FHL2: variants seen among roughly 807,000 people sequenced by gnomAD.
FHL2 encodes four and a half LIM domains protein 2.
FHL2 carries 20 observed loss-of-function variants against 32.7 expected under a neutral mutation model. The observed-to-expected ratio is 0.61, with a 90% confidence interval of 0.43 to 0.89. The LOEUF (loss-of-function observed/expected upper bound fraction) is 0.89. Ranked by LOEUF, FHL2 falls within the 40% of genes least tolerant of loss-of-function variation. FHL2 has a pLI of 0.00. For missense variants in FHL2, 311 were observed against 358.6 expected, an observed-to-expected ratio of 0.87 and a Z score of 1.07; for synonymous variants, 123 against 128.1, an observed-to-expected ratio of 0.96 and a Z score of 0.27.
intron 1 of FHL2, among the ~76,000 whole-genome samples, chr2:105,406,745 A>T (rs754626212): frequency 6.6e-6 from 1 of 151,982 alleles, no homozygotes; most frequent in Non-Finnish European, 1.5e-5. Context: ...AATCCTGCGC[A>T]GGAGAGAGTC....
upstream of FHL2, chr2:105,399,769 C>G: frequency 1.3e-6 from 1 of 745,492 alleles, no homozygotes; most frequent in Non-Finnish European, 2.1e-6. Flanking sequence ...GCAGGGAGAG[C>G]ACAGGTTGAG....
At chr2:105,399,160 G>T, upstream of FHL2, 4 of 1,361,512 alleles carry the variant, frequency 2.9e-6, no homozygotes, top group Non-Finnish European at 3.7e-6. Flanking sequence ...CGGGGGGCGG[G>T]CGCCCCCAGG....
intron 5 of FHL2, among the ~76,000 whole-genome samples, 194 bp from the exon 6 acceptor site, chr2:105,363,665 C>T (rs1182876882): frequency 2.0e-5 from 3 of 152,214 alleles, no homozygotes; most frequent in Admixed American, 2.0e-4. Flanking sequence ...GTCATAGGCC[C>T]TGGCTTTCCC....
chr2:105,394,114 C>T (rs1682941367), intron 2 of FHL2, among the ~76,000 whole-genome samples: 1 of 152,270 alleles, frequency 6.6e-6, no homozygotes, highest in South Asian at 2.1e-4. Context: ...CAGAGAATAC[C>T]CCGCACCATT....
At chr2:105,424,839 C>T (rs146646894) in intron 1 of FHL2, among the ~76,000 whole-genome samples, 4,914 of 152,104 alleles carry the variant, frequency 0.032, 152 homozygotes, top group East Asian at 0.091. Context: ...CATGGACACA[C>T]GGAGGGGAAC....
chr2:105,402,546 A>G (rs1420847115), upstream of FHL2, among the ~76,000 whole-genome samples: 1 of 152,148 alleles, frequency 6.6e-6, no homozygotes, highest in Non-Finnish European at 1.5e-5. Flanking sequence ...TGCCTGGCCC[A>G]AAAACTAAAT....
chr2:105,361,621 C>T (rs193284590), intron 6 of FHL2, among the ~76,000 whole-genome samples, 187 bp from the exon 7 acceptor site: 3 of 152,128 alleles, frequency 2.0e-5, no homozygotes, highest in Admixed American at 6.5e-5. Flanking sequence ...TGGAGGATCT[C>T]GTGAATATCA....
intron 2 of FHL2, among the ~76,000 whole-genome samples, chr2:105,395,197 T>C (rs1421905342): frequency 1.3e-5 from 2 of 150,910 alleles, no homozygotes; most frequent in East Asian, 3.8e-4. Context: ...TCATTTAATC[T>C]CAAAACACAT....
rs1461975227 is a variant in FHL2 at position 105,361,414 on chromosome 2, T to C, written c.709A>G (p.Ile237Val). 1 of 1,614,092 alleles carries C rather than the reference T, an allele frequency of 6.2e-7. No homozygotes were observed. Among genetic ancestry groups the C allele is most frequent in the Non-Finnish European group, 8.5e-7 (1 of 1,179,972 alleles). ...TGCCACTGCCGTTCCTCAAAGGAGA[T>C]GTATTTTGTGCCACCAAGTCCTGTT... ...PISGLGGTKY[I>V]SFEERQWHND... Residue 237 changes from isoleucine (I) to valine (V), a missense_variant, in exon 7 of 7, where the codon ATC becomes GTC. Transcript: ENST00000530340.
intron 1 of FHL2, among the ~76,000 whole-genome samples, chr2:105,410,009 G>T (rs1031761346): frequency 6.6e-6 from 1 of 152,318 alleles, no homozygotes; most frequent in South Asian, 2.1e-4. Flanking sequence ...GCTGAGCTGG[G>T]GATGCTGAGA....
intron 6 of FHL2, among the ~76,000 whole-genome samples, chr2:105,362,525 C>T (rs1299468805): frequency 1.3e-5 from 2 of 152,200 alleles, no homozygotes; most frequent in African/African-American, 2.4e-5. Flanking sequence ...CAAGTGTCTG[C>T]CACCTTCCTC....
chr2:105,399,613 G>A (rs1052435742), upstream of FHL2: 2 of 1,526,416 alleles, frequency 1.3e-6, no homozygotes, highest in Non-Finnish European at 1.7e-6. Flanking sequence ...CCCTCTCGGG[G>A]CCAGAAGACT....
rs571689781 is a variant in FHL2 at position 105,396,712 on chromosome 2, C to A, written c.-75-15G>T. 7 of 1,612,004 alleles carry A rather than the reference C, an allele frequency of 4.3e-6. No individual in the cohort carries two copies. The highest frequency in any genetic ancestry group is 5.1e-6 in the Non-Finnish European group (6 of 1,179,568). ...GTTCTCAGCCACTAGAGAAAGCACA[C>A]GTGTTTTGTTTCAGATGGTCATCTT... On this transcript the variant is annotated splice_polypyrimidine_tract_variant and intron_variant, in intron 1 of 6. Transcript: ENST00000530340.
intron 1 of FHL2, among the ~76,000 whole-genome samples, chr2:105,437,026 TGG>T (rs1426838977): frequency 1.3e-5 from 2 of 152,126 alleles, no homozygotes; most frequent in African/African-American, 4.8e-5. Flanking sequence ...GGCCTGGCCT[TGG>T]GGATCTGAAA....
upstream of FHL2, chr2:105,399,599 C>G (rs1683388011): frequency 2.0e-6 from 3 of 1,531,786 alleles, no homozygotes; most frequent in East Asian, 7.3e-5. Flanking sequence ...CTATCCCCAC[C>G]TCTCCCTCTC....
intron 2 of FHL2, among the ~76,000 whole-genome samples, chr2:105,391,352 T>C (rs151039827): frequency 1.2e-4 from 18 of 152,264 alleles, no homozygotes; most frequent in Admixed American, 6.5e-4. Context: ...ACAGGTATGA[T>C]GGGCACGCAG....
intron 1 of FHL2, among the ~76,000 whole-genome samples, chr2:105,426,359 C>T (rs1296286978): frequency 6.6e-6 from 1 of 152,202 alleles, no homozygotes; most frequent in African/African-American, 2.4e-5. Context: ...TCTATGTTAC[C>T]TTAACCAGGC....
chr2:105,420,100 A>G (rs1684053836), intron 1 of FHL2, among the ~76,000 whole-genome samples: 2 of 152,300 alleles, frequency 1.3e-5, no homozygotes, highest in South Asian at 2.1e-4. Context: ...ACAAAGTACC[A>G]CACACTGGAT....
chr2:105,398,720 T>C, intron 1 of FHL2, 122 bp downstream of exon 1: 1 of 574,078 alleles, frequency 1.7e-6, no homozygotes, highest in Non-Finnish European at 2.6e-6. Flanking sequence ...ACCCCCAGGG[T>C]TCGGCTCTCC....
Sources: gnomAD v4.1 joint callset for allele counts (sites outside exome capture counted in the v4.1 genomes callset) on GRCh38, gnomAD v4.1.1 for gene constraint, MANE v1.5 for transcripts, NCBI Gene and HGNC (gene_info 2026-07-23, HGNC 2026-07-21) for gene names.